The following TPX2 variants were observed in gnomAD, a reference collection of about 807,000 sequenced individuals.
TPX2 encodes the protein targeting protein for Xklp2.
Under a neutral mutation model 93.6 loss-of-function variants are expected in TPX2, and 21 were observed. The observed-to-expected ratio is 0.22, with a 90% CI of 0.16 to 0.32. TPX2 has a LOEUF of 0.32. Ranked by LOEUF, TPX2 falls within the 10% of genes least tolerant of loss-of-function variation. TPX2 has a pLI of 1.00. For synonymous variants in TPX2, 281 were observed against 298.3 expected, an observed-to-expected ratio of 0.94 and a Z score of 0.60; for missense variants, 776 against 871.1, an observed-to-expected ratio of 0.89 and a Z score of 1.37.
intron 12 of TPX2, among the ~76,000 whole-genome samples, chr20:31,790,521 A>G (rs941985000): frequency 6.6e-6 from 1 of 152,242 alleles, no homozygotes; most frequent in Non-Finnish European, 1.5e-5. Flanking sequence ...CTATTTGTTA[A>G]ATGAATAGTA....
chr20:31,787,671 A>G (rs2123072241), intron 12 of TPX2, among the ~76,000 whole-genome samples: 1 of 152,294 alleles, frequency 6.6e-6, no homozygotes, highest in South Asian at 2.1e-4. Flanking sequence ...GTAAGAGGCA[A>G]ATGGTTGCAT....
intron 4 of TPX2, among the ~76,000 whole-genome samples, chr20:31,763,576 A>G (rs1271719319): frequency 6.6e-6 from 1 of 152,076 alleles, no homozygotes. Flanking sequence ...TCAGACTGTA[A>G]TTATGGATTT....
At chr20:31,760,292 T>G in intron 4 of TPX2, 113 bp downstream of exon 4, 1 of 1,333,992 alleles carries the variant, frequency 7.5e-7, no homozygotes, top group Non-Finnish European at 1.0e-6. Context: ...TTATTATTGG[T>G]GAAATGGGCT....
chr20:31,781,492 C>T (rs1400822209), intron 10 of TPX2, among the ~76,000 whole-genome samples: 1 of 151,712 alleles, frequency 6.6e-6, no homozygotes, highest in African/African-American at 2.4e-5. Flanking sequence ...GTCTCGATCT[C>T]CTGACCTCGT....
At chr20:31,794,805 C>A (rs891634592) in intron 15 of TPX2, among the ~76,000 whole-genome samples, 1 of 145,958 alleles carries the variant, frequency 6.9e-6, no homozygotes, top group Non-Finnish European at 1.5e-5. Flanking sequence ...TGTGTGTGTA[C>A]GCACACATTT....
chr20:31,750,456 T>G (rs1052418109), intron 2 of TPX2, among the ~76,000 whole-genome samples: 1 of 66,828 alleles, frequency 1.5e-5, no homozygotes, highest in Non-Finnish European at 2.6e-5. Context: ...GCCCGGCTAT[T>G]TATTTATTTA....
At chr20:31,754,343 A>G (rs537458912) in intron 2 of TPX2, among the ~76,000 whole-genome samples, 14 of 152,212 alleles carry the variant, frequency 9.2e-5, no homozygotes, top group Non-Finnish European at 1.8e-4. Context: ...GTCCTCCCAA[A>G]GTGCTGGGAT....
At chr20:31,784,369 C>T (rs1156505231) in intron 12 of TPX2, among the ~76,000 whole-genome samples, 1 of 152,178 alleles carries the variant, frequency 6.6e-6, no homozygotes, top group Non-Finnish European at 1.5e-5. Context: ...TTGACAACAA[C>T]CCCTTTAGGT....
Position 31,801,079 on chromosome 20 carries a change from A to G in TPX2, c.2243A>G (p.Ter748=), listed in dbSNP as rs1304102609. The G allele has an allele frequency of 6.2e-7, 1 of 1,613,412 alleles. No homozygotes were observed. Among genetic ancestry groups the G allele is most frequent in the Non-Finnish European group, 8.5e-7 (1 of 1,179,476 alleles). ...SPKFSTRFHC[*] is the part of the protein sequence containing the mutation. ...AAATTCTCCACTCGATTCCACTGCTAAACTCAGCTGTGAGCTGCGGATACC... is the reference window on the plus strand; with the variant it reads ...AAATTCTCCACTCGATTCCACTGCTGAACTCAGCTGTGAGCTGCGGATACC... The change falls in exon 18 of 18, where the codon TAA becomes TGA. Residue 748 remains the stop codon, a stop_retained_variant. Transcript: ENST00000300403.
At chr20:31,798,812 G>A (rs894757518) in intron 17 of TPX2, among the ~76,000 whole-genome samples, 1 of 152,192 alleles carries the variant, frequency 6.6e-6, no homozygotes, top group Non-Finnish European at 1.5e-5. Flanking sequence ...AAAACTCGCA[G>A]TGTTCATGAG....
intron 7 of TPX2, among the ~76,000 whole-genome samples, chr20:31,774,418 AT>A (rs1323132735): frequency 5.3e-5 from 8 of 151,108 alleles, no homozygotes; most frequent in East Asian, 3.9e-4. Context: ...TTTCCTTTTT[AT>A]TTTTTTTCTT....
In TPX2 at chr20:31,766,551, C is replaced by T. The variant is rs750922714; in HGVS notation, c.230-5C>T. 3.0e-5 allele frequency: 48 copies of T among 1,606,568 alleles called. No homozygotes were observed. Among genetic ancestry groups the T allele is most frequent in the African/African-American group, 8.1e-5 (6 of 73,886 alleles). Reference sequence around the variant, plus strand: ...GAGTGCTGACTAGCTTTTGGTCTTCCGCAGTTGACAACACTTACTACAAAG... The same window carrying T: ...GAGTGCTGACTAGCTTTTGGTCTTCTGCAGTTGACAACACTTACTACAAAG... On this transcript the variant is annotated splice_polypyrimidine_tract_variant and splice_region_variant and intron_variant, in intron 4 of 17. Coordinates refer to ENST00000300403, the MANE Select transcript of TPX2 (RefSeq NM_012112.5).
intron 5 of TPX2, among the ~76,000 whole-genome samples, chr20:31,769,875 G>A (rs1334062656): frequency 6.6e-6 from 1 of 152,160 alleles, no homozygotes; most frequent in Non-Finnish European, 1.5e-5. Flanking sequence ...ATGGCTTACT[G>A]CAGCCTTGAC....
At chr20:31,747,212 C>T (rs765542766) in intron 2 of TPX2, among the ~76,000 whole-genome samples, 1 of 152,170 alleles carries the variant, frequency 6.6e-6, no homozygotes, top group Non-Finnish European at 1.5e-5. Context: ...CCTCCACCTC[C>T]TGGGTTCAAG....
chr20:31,740,784 A>G (rs1339982779), intron 1 of TPX2, among the ~76,000 whole-genome samples: 1 of 152,184 alleles, frequency 6.6e-6, no homozygotes, highest in Non-Finnish European at 1.5e-5. Context: ...GTGCTTCACA[A>G]AGCCACCCTT....
chr20:31,749,186 T>A (rs1017695423), intron 2 of TPX2, among the ~76,000 whole-genome samples: 2 of 152,042 alleles, frequency 1.3e-5, no homozygotes, highest in Non-Finnish European at 2.9e-5. Context: ...GACCTCATGA[T>A]CCACCCGCCT....
chr20:31,755,760 CAAA>C (rs559251251), intron 2 of TPX2, among the ~76,000 whole-genome samples: 2 of 113,954 alleles, frequency 1.8e-5, no homozygotes, highest in Non-Finnish European at 1.9e-5. Context: ...GACTCCGTCT[CAAA>C]AAAAAAAAAA....
At chr20:31,756,242 A>T (rs890844526) in intron 2 of TPX2, among the ~76,000 whole-genome samples, 2 of 152,166 alleles carry the variant, frequency 1.3e-5, no homozygotes, top group Non-Finnish European at 2.9e-5. Context: ...ACTGGGAGAG[A>T]CATTTACATA....
chr20:31,782,320 C>T lies in TPX2; in HGVS notation c.1126C>T (p.His376Tyr), dbSNP rs201467940. 447 of 1,613,822 alleles carry T rather than the reference C, an allele frequency of 2.8e-4. No homozygotes were observed. Among genetic ancestry groups the T allele is most frequent in the Non-Finnish European group, 3.6e-4 (430 of 1,179,958 alleles). The change falls in exon 11 of 18, where the codon CAC (histidine) becomes TAC (tyrosine). Residue 376 changes from histidine (H) to tyrosine (Y), a missense_variant. Coordinates refer to ENST00000300403, the MANE Select transcript of TPX2 (RefSeq NM_012112.5). ...DPQTPVLQTKHRARAVTCKST... is the reference protein window; with the variant it reads ...DPQTPVLQTKYRARAVTCKST... ...ACAGACTCCTGTACTGCAAACCAAA[C>T]ACCGTGCACGGGCTGTGACCTGCAA...
Sources: gnomAD v4.1 joint callset for allele counts (sites outside exome capture counted in the v4.1 genomes callset) on GRCh38, gnomAD v4.1.1 for gene constraint, MANE v1.5 for transcripts, NCBI Gene and HGNC (gene_info 2026-07-23, HGNC 2026-07-21) for gene names.